TFCP2: variants seen among roughly 807,000 people sequenced by gnomAD.
TFCP2 encodes alpha-globin transcription factor CP2.
Under a neutral mutation model 73.4 loss-of-function variants are expected in TFCP2, and 33 were observed. The ratio of observed to expected loss-of-function variants is 0.45; its 90% CI spans 0.34 to 0.60. TFCP2 has a LOEUF of 0.60. Ranked by LOEUF, TFCP2 falls within the 20% of genes least tolerant of loss-of-function variation. The pLI is 0.01. For missense variants in TFCP2, 352 were observed against 604.0 expected, an observed-to-expected ratio of 0.58 and a Z score of 4.37; for synonymous variants, 193 against 211.6, an observed-to-expected ratio of 0.91 and a Z score of 0.76.
At chr12:51,106,482 A>G (rs1338850102) in intron 8 of TFCP2, 43 bp downstream of exon 8, 3 of 1,416,138 alleles carry the variant, frequency 2.1e-6, no homozygotes, top group Non-Finnish European at 3.0e-6. Flanking sequence ...GAAAGAATAT[A>G]TATTTTGGAC....
intron 1 of TFCP2, among the ~76,000 whole-genome samples, chr12:51,148,491 G>A (rs11169722): frequency 0.061 from 9,223 of 151,862 alleles, 514 homozygotes; most frequent in East Asian, 0.18. Flanking sequence ...CACAAGGTCA[G>A]GAGTTTAAGA....
intron 4 of TFCP2, among the ~76,000 whole-genome samples, chr12:51,113,726 T>C (rs1337493011): frequency 6.6e-6 from 1 of 152,148 alleles, no homozygotes; most frequent in African/African-American, 2.4e-5. Context: ...TGGAATAGAA[T>C]AGACAGCCTA....
At chr12:51,101,594 T>A (rs150664604) in intron 11 of TFCP2, among the ~76,000 whole-genome samples, 2 of 152,184 alleles carry the variant, frequency 1.3e-5, no homozygotes, top group Non-Finnish European at 2.9e-5. Context: ...ATTATCTTAC[T>A]CCCCATTAGA....
rs1939907343 is a variant in TFCP2 at position 51,094,381 on chromosome 12, A to G, written c.*860T>C. ...CTTTCAGTGGTTAATTCCTCAGTTC[A>G]TACTCAGTGTTATGTTGTAGTCACC... On this transcript the variant is annotated 3_prime_UTR_variant, in exon 15 of 15. Transcript: ENST00000257915. 6.6e-6 allele frequency: 1 copy of G among 152,212 alleles called. No homozygotes were observed. The highest frequency in any genetic ancestry group is 1.5e-5 in the Non-Finnish European group (1 of 68,064). The allele number at this position is 152,212 out of a possible 1,614,324, so 9.4% of individuals were successfully genotyped here.
At chr12:51,124,808 CT>C in intron 1 of TFCP2, 13 of 1,034,600 alleles carry the variant, frequency 1.3e-5, no homozygotes, top group South Asian at 2.5e-5. Context: ...GCTGCTCAGC[CT>C]TTTCCTTCAC....
At chr12:51,153,571 C>CT (rs1941474928) in intron 1 of TFCP2, among the ~76,000 whole-genome samples, 2 of 152,240 alleles carry the variant, frequency 1.3e-5, no homozygotes, top group Middle Eastern at 3.4e-3. Context: ...TACTCACTCC[C>CT]CTCTCCTGGT....
intron 4 of TFCP2, among the ~76,000 whole-genome samples, chr12:51,115,994 A>G (rs1353944371): frequency 6.6e-6 from 1 of 152,200 alleles, no homozygotes; most frequent in Non-Finnish European, 1.5e-5. Flanking sequence ...AATAATGTGA[A>G]TGTACCTAAT....
chr12:51,151,497 C>T (rs1941424544), intron 1 of TFCP2, among the ~76,000 whole-genome samples: 1 of 151,966 alleles, frequency 6.6e-6, no homozygotes, highest in African/African-American at 2.4e-5. Flanking sequence ...AGTGCAGTGG[C>T]GCGATCTCGG....
At chr12:51,098,554 A>C (rs976335408) in intron 13 of TFCP2, among the ~76,000 whole-genome samples, 1 of 152,068 alleles carries the variant, frequency 6.6e-6, no homozygotes, top group Non-Finnish European at 1.5e-5. Flanking sequence ...TGAATCCAGG[A>C]GGAGGAGGTC....
chr12:51,116,379 GT>G lies in TFCP2; in HGVS notation c.392del (p.Tyr131SerfsTer7). On this transcript the variant is annotated frameshift_variant, in exon 4 of 15. Transcript: ENST00000257915. LOFTEE classifies it high-confidence loss of function. ...AGCCCTCTAGCTGCTGATGCTCAGT[GT>G]ACTGAAGCCTTCTGTCATGGAACAC... ...RVVFHDRRLQ[Y>X]TEHQQLEGWR... 1 of 1,606,368 alleles carries G rather than the reference GT, an allele frequency of 6.2e-7. No individual in the cohort carries two copies. The highest frequency in any genetic ancestry group is 8.5e-7 in the Non-Finnish European group (1 of 1,175,560).
In TFCP2 at chr12:51,106,520, C is replaced by T; in HGVS notation, c.917+5G>A. 1 of 1,609,044 alleles carries T rather than the reference C, an allele frequency of 6.2e-7. No individual in the cohort carries two copies. Among genetic ancestry groups the T allele is most frequent in the Non-Finnish European group, 8.5e-7 (1 of 1,177,502 alleles). ...ATATAAGCCAATTTTATTTCCCAGA[C>T]TTACCCTTCCCCAAGAGAAAAACTG... On this transcript the variant is annotated splice_donor_5th_base_variant and intron_variant, in intron 8 of 14. Transcript: ENST00000257915.
At chr12:51,149,702 C>T (rs1439528465) in intron 1 of TFCP2, among the ~76,000 whole-genome samples, 3 of 152,038 alleles carry the variant, frequency 2.0e-5, no homozygotes, top group African/African-American at 7.2e-5. Context: ...CAGGTTCAAG[C>T]GATTCTCGTG....
intron 1 of TFCP2, among the ~76,000 whole-genome samples, chr12:51,134,422 C>A (rs576906637): frequency 6.6e-6 from 1 of 152,008 alleles, no homozygotes; most frequent in Non-Finnish European, 1.5e-5. Flanking sequence ...GTAGCTGGGA[C>A]TACAGGCATG....
chr12:51,135,451 C>T (rs1032696255), intron 1 of TFCP2, among the ~76,000 whole-genome samples: 3 of 150,474 alleles, frequency 2.0e-5, no homozygotes, highest in African/African-American at 7.3e-5. Context: ...AAAACAACTA[C>T]GATCAGATCC....
chr12:51,158,618 A>G (rs1941586450), intron 1 of TFCP2, among the ~76,000 whole-genome samples: 2 of 151,754 alleles, frequency 1.3e-5, no homozygotes, highest in African/African-American at 4.8e-5. Flanking sequence ...CCTCCCGAGT[A>G]GCTGGGACTA....
rs561403925 is a variant in TFCP2 at position 51,149,481 on chromosome 12, G to A, written c.122+22820C>T. ...TTGTAGGTTGTTTTCCATAATAAGA[G>A]GAGGACAAGAAAAGTGTAGGAAAGC... On this transcript the variant is annotated intron_variant, in intron 1 of 14. Transcript: ENST00000257915. Among the ~76,000 whole-genome samples the A allele has an allele frequency of 3.3e-5, 5 of 152,232 alleles. No individual in the cohort carries two copies. In the East Asian group the frequency reaches 9.6e-4, roughly 29 times the overall value.
At chr12:51,159,242 G>A (rs1941601834) in intron 1 of TFCP2, among the ~76,000 whole-genome samples, 1 of 151,928 alleles carries the variant, frequency 6.6e-6, no homozygotes, top group Non-Finnish European at 1.5e-5. Flanking sequence ...GGTGGTAGTG[G>A]GGGAATTTGC....
At chr12:51,102,335 T>C (rs888317917) in intron 10 of TFCP2, among the ~76,000 whole-genome samples, 1 of 152,140 alleles carries the variant, frequency 6.6e-6, no homozygotes, top group African/African-American at 2.4e-5. Context: ...TCCCAGCTAC[T>C]CGAGAAGCTG....
intron 1 of TFCP2, among the ~76,000 whole-genome samples, chr12:51,148,297 G>A (rs1941342256): frequency 6.6e-6 from 1 of 152,144 alleles, no homozygotes; most frequent in African/African-American, 2.4e-5. Context: ...TCTACCCAGA[G>A]GAAAAGAAGT....
Sources: allele counts gnomAD v4.1 joint callset (sites outside exome capture counted in the v4.1 genomes callset), GRCh38; gene constraint gnomAD v4.1.1; transcripts MANE v1.5; gene names NCBI Gene and HGNC (gene_info 2026-07-23, HGNC 2026-07-21).